Variants in RFX7 observed in about 807,000 individuals in gnomAD.
RFX7 encodes the protein regulatory factor X7, also known as DNA-binding protein RFX7.
A neutral mutation model predicts 111.8 loss-of-function variants in RFX7; 26 were observed. The observed-to-expected ratio is 0.23, with a 90% CI of 0.17 to 0.32. RFX7 has a LOEUF of 0.32. Ranked by LOEUF, RFX7 falls within the 10% of genes least tolerant of loss-of-function variation. The pLI is 1.00. For missense variants in RFX7, 1,573 were observed against 1,772.9 expected (o/e 0.89, Z 2.02); for synonymous variants, 624 against 624.4 (o/e 1.00, Z 0.01).
intron 3 of RFX7, among the ~76,000 whole-genome samples, chr15:56,177,008 T>C (rs1298911976): frequency 6.6e-6 from 1 of 152,070 alleles, no homozygotes; most frequent in Non-Finnish European, 1.5e-5. Context: ...GCACTTAGGA[T>C]ACTACTTGCC....
intron 3 of RFX7, among the ~76,000 whole-genome samples, chr15:56,173,825 A>G (rs773668909): frequency 3.9e-4 from 59 of 152,280 alleles, no homozygotes; most frequent in Non-Finnish European, 7.1e-4. Flanking sequence ...TGATAGAGAT[A>G]ATACAATTAG....
At chr15:56,231,671 T>C (rs2043559412) in intron 2 of RFX7, among the ~76,000 whole-genome samples, 1 of 152,064 alleles carries the variant, frequency 6.6e-6, no homozygotes, top group Non-Finnish European at 1.5e-5. Flanking sequence ...TCAAAACCAA[T>C]CATGCCTTCC....
intron 2 of RFX7, among the ~76,000 whole-genome samples, chr15:56,215,539 C>T (rs2043355238): frequency 6.6e-6 from 1 of 152,192 alleles, no homozygotes; most frequent in African/African-American, 2.4e-5. Flanking sequence ...CTGTAACAGA[C>T]TCAAGCTGGC....
Position 56,089,303 on chromosome 15 carries a change from CTGTGGCAGCCATCT to C in RFX7, c.*4028_*4041del, listed in dbSNP as rs1286120627. Reference sequence around the variant, plus strand: ...ATGTTATGAGGGTATAACATCTGAGCTGTGGCAGCCATCTTGTGACTATGAGGTAATAGACACAG... The same window carrying C: ...ATGTTATGAGGGTATAACATCTGAGCTGTGACTATGAGGTAATAGACACAG... On this transcript the variant is annotated 3_prime_UTR_variant, in exon 10 of 10. Coordinates refer to ENST00000559447, the MANE Select transcript of RFX7 (RefSeq NM_022841.7). 6.6e-6 allele frequency: 1 copy of C among 152,446 alleles called. No individual in the cohort carries two copies. The highest frequency in any genetic ancestry group is 6.6e-5 in the Admixed American group (1 of 15,252). The allele number at this position is 152,446 out of a possible 1,614,324, so 9.4% of individuals were successfully genotyped here.
intron 5 of RFX7, among the ~76,000 whole-genome samples, chr15:56,115,316 G>A (rs12438606): frequency 0.065 from 9,944 of 152,184 alleles, 444 homozygotes; most frequent in Admixed American, 0.1. Flanking sequence ...TTACAGGGGT[G>A]AGCCTCTGTG....
chr15:56,221,727 T>C (rs1211715990), intron 2 of RFX7, among the ~76,000 whole-genome samples: 3 of 152,158 alleles, frequency 2.0e-5, no homozygotes, highest in African/African-American at 7.2e-5. Context: ...GGGATTACAA[T>C]ATATATCCTT....
At chr15:56,110,216 G>A (rs2041899258) in intron 5 of RFX7, among the ~76,000 whole-genome samples, 1 of 122,558 alleles carries the variant, frequency 8.2e-6, no homozygotes, top group Admixed American at 7.9e-5. Context: ...GCCCCTACTG[G>A]GAAGTGAGGA....
At chr15:56,162,988 C>T (rs2042741394) in intron 3 of RFX7, among the ~76,000 whole-genome samples, 1 of 152,098 alleles carries the variant, frequency 6.6e-6, no homozygotes, top group Non-Finnish European at 1.5e-5. Flanking sequence ...TAAATGTGAT[C>T]TTCTACCCAT....
At chr15:56,102,767 C>T (rs75150134) in intron 6 of RFX7, among the ~76,000 whole-genome samples, 142 of 152,266 alleles carry the variant, frequency 9.3e-4, no homozygotes, top group Admixed American at 1.7e-3. Flanking sequence ...AAGAATAGGT[C>T]GTGCCAACTA....
At chr15:56,223,638 C>T (rs1442290204) in intron 2 of RFX7, among the ~76,000 whole-genome samples, 1 of 152,024 alleles carries the variant, frequency 6.6e-6, no homozygotes, top group Non-Finnish European at 1.5e-5. Flanking sequence ...ACATACTCAT[C>T]AAGAAAACTG....
At chr15:56,203,682 A>G (rs950703528) in intron 2 of RFX7, among the ~76,000 whole-genome samples, 6 of 152,174 alleles carry the variant, frequency 3.9e-5, no homozygotes, top group African/African-American at 1.4e-4. Flanking sequence ...TGGCCACGAG[A>G]GTGACCTCTG....
chr15:56,143,903 C>A (rs1411270664), intron 4 of RFX7, among the ~76,000 whole-genome samples: 1 of 152,140 alleles, frequency 6.6e-6, no homozygotes, highest in Non-Finnish European at 1.5e-5. Context: ...CTTCTCTCCA[C>A]AGTTTCTATA....
intron 2 of RFX7, among the ~76,000 whole-genome samples, chr15:56,237,861 T>C (rs1365685834): frequency 6.6e-6 from 1 of 152,188 alleles, no homozygotes; most frequent in African/African-American, 2.4e-5. Flanking sequence ...AGAAACCATG[T>C]TGGGACACAG....
At chr15:56,164,191 T>C (rs2042756622) in intron 3 of RFX7, among the ~76,000 whole-genome samples, 1 of 152,204 alleles carries the variant, frequency 6.6e-6, no homozygotes, top group Non-Finnish European at 1.5e-5. Context: ...CTTTCTAAAA[T>C]ATGGCAACCA....
At chr15:56,139,530 A>G (rs534862035) in intron 5 of RFX7, among the ~76,000 whole-genome samples, 9,912 of 152,026 alleles carry the variant, frequency 0.065, 439 homozygotes, top group Admixed American at 0.1. Context: ...AATGTTTTTC[A>G]AAGTTTTCAA....
At chr15:56,176,705 TCATC>T (rs2042906830) in intron 3 of RFX7, among the ~76,000 whole-genome samples, 1 of 152,100 alleles carries the variant, frequency 6.6e-6, no homozygotes, top group Admixed American at 6.6e-5. Flanking sequence ...CTGAAAGGAA[TCATC>T]CTTGATTCCT....
chr15:56,205,074 T>C (rs1398916536), intron 2 of RFX7, among the ~76,000 whole-genome samples: 1 of 152,196 alleles, frequency 6.6e-6, no homozygotes, highest in Non-Finnish European at 1.5e-5. Flanking sequence ...GTGGAGAGCA[T>C]TTCAAAAATT....
intron 2 of RFX7, among the ~76,000 whole-genome samples, chr15:56,204,782 C>G (rs2043233992): frequency 6.6e-6 from 1 of 151,892 alleles, no homozygotes. Context: ...CTCTTAAGAC[C>G]AAAAAAGGAA....
intron 3 of RFX7, among the ~76,000 whole-genome samples, chr15:56,173,910 G>A (rs1455789059): frequency 2.0e-5 from 3 of 152,000 alleles, no homozygotes; most frequent in Non-Finnish European, 2.9e-5. Flanking sequence ...ATAAACAAAT[G>A]ATAGAGATAC....
Sources: gnomAD v4.1 joint callset for allele counts (sites outside exome capture counted in the v4.1 genomes callset) on GRCh38, gnomAD v4.1.1 for gene constraint, MANE v1.5 for transcripts, NCBI Gene and HGNC (gene_info 2026-07-23, HGNC 2026-07-21) for gene names.